Variants in PDE4D observed in about 807,000 individuals in gnomAD.
PDE4D encodes the protein 3',5'-cyclic-AMP phosphodiesterase 4D.
Under a neutral mutation model 87.4 loss-of-function variants are expected in PDE4D, and 24 were observed. The observed-to-expected ratio is 0.27, with a 90% CI of 0.20 to 0.39. PDE4D has a LOEUF of 0.39. PDE4D is among the 10% of genes least tolerant of loss of function. The pLI is 1.00. For synonymous variants in PDE4D, 384 were observed against 383.2 expected, an observed-to-expected ratio of 1.00 and a Z score of -0.02; for missense variants, 714 against 1,041.0, an observed-to-expected ratio of 0.69 and a Z score of 4.32.
chr5:59,845,083 C>G (rs1743624865), intron 1 of PDE4D, among the ~76,000 whole-genome samples: 1 of 152,038 alleles, frequency 6.6e-6, no homozygotes, highest in Non-Finnish European at 1.5e-5. Context: ...TAAATTCTGC[C>G]AACAACTTGA....
At chr5:60,095,220 G>GC in intron 2 of PDE4D, among the ~76,000 whole-genome samples, 1 of 152,014 alleles carries the variant, frequency 6.6e-6, no homozygotes, top group Middle Eastern at 3.4e-3. Flanking sequence ...CCTCTAACAG[G>GC]CCCCAGTGTG....
chr5:59,214,232 C>A (rs992635004), intron 2 of PDE4D, among the ~76,000 whole-genome samples: 1 of 152,088 alleles, frequency 6.6e-6, no homozygotes, highest in South Asian at 2.1e-4. Context: ...AATCATTCAA[C>A]AATAGAGTAA....
intron 1 of PDE4D, among the ~76,000 whole-genome samples, chr5:59,665,809 C>A (rs1177695047): frequency 2.0e-5 from 3 of 152,132 alleles, no homozygotes; most frequent in African/African-American, 7.2e-5. Flanking sequence ...AGCTCCCTTG[C>A]CCCTTCTTCC....
intron 1 of PDE4D, among the ~76,000 whole-genome samples, chr5:60,326,643 A>C (rs1247909925): frequency 6.6e-6 from 1 of 152,058 alleles, no homozygotes; most frequent in Non-Finnish European, 1.5e-5. Context: ...TAGAACTACT[A>C]TTTGTTACTG....
intron 1 of PDE4D, among the ~76,000 whole-genome samples, chr5:60,319,890 C>CCTACTGGGGGGTACCTCCCAGTTAGG (rs1562320207): frequency 1.3e-5 from 2 of 152,194 alleles, no homozygotes; most frequent in Admixed American, 6.5e-5. Flanking sequence ...TCAGTCTGCC[C>CCTACTGGGGGGTACCTCCCAGTTAGG]CTACTGGGGG....
chr5:59,932,901 T>C (rs944712817), intron 3 of PDE4D, among the ~76,000 whole-genome samples: 1 of 152,198 alleles, frequency 6.6e-6, no homozygotes, highest in Non-Finnish European at 1.5e-5. Flanking sequence ...AATTTCTACA[T>C]TCCAATTTTT....
chr5:59,567,223 C>T (rs569672187), intron 1 of PDE4D, among the ~76,000 whole-genome samples: 8 of 152,288 alleles, frequency 5.3e-5, no homozygotes, highest in Admixed American at 3.3e-4. Context: ...GAAGCCAAAT[C>T]GCTGCTTTCC....
rs565209648 is a variant in PDE4D at position 59,795,234 on chromosome 5, C to T, written c.455+97934G>A. On this transcript the variant is annotated intron_variant, in intron 1 of 14. Coordinates refer to ENST00000340635, the MANE Select transcript of PDE4D (RefSeq NM_001104631.2). ...ATAGTTAGCTCCTTCTAAGTCTAAT[C>T]GTTTTTAGTTTCTCCTGACACCTGT... is the stretch of plus-strand genomic sequence containing the variant. Among the ~76,000 whole-genome samples, 41 of 152,298 alleles carry T rather than the reference C, an allele frequency of 2.7e-4. No individual in the cohort carries two copies. The South Asian group carries it at 7.9e-3, about 29-fold the overall frequency.
intron 1 of PDE4D, among the ~76,000 whole-genome samples, chr5:60,458,577 TG>T (rs1746670878): frequency 6.6e-6 from 1 of 152,120 alleles, no homozygotes; most frequent in Non-Finnish European, 1.5e-5. Flanking sequence ...CCCTTGGGCT[TG>T]ATAGAAGAGA....
At chr5:59,080,937 C>T (rs1766621431) in intron 5 of PDE4D, among the ~76,000 whole-genome samples, 1 of 152,084 alleles carries the variant, frequency 6.6e-6, no homozygotes, top group Non-Finnish European at 1.5e-5. Flanking sequence ...TGATTATCAG[C>T]CATTGTGGAG....
intron 1 of PDE4D, among the ~76,000 whole-genome samples, chr5:59,240,515 CAT>C (rs1183903135): frequency 1.3e-5 from 2 of 152,104 alleles, no homozygotes; most frequent in African/African-American, 4.8e-5. Context: ...ATGAATGGCA[CAT>C]GTCTGTAAAA....
chr5:60,274,894 C>T (rs1030218330), intron 1 of PDE4D, among the ~76,000 whole-genome samples: 20 of 152,160 alleles, frequency 1.3e-4, no homozygotes, highest in African/African-American at 4.8e-4. Context: ...TTTTTGCTAC[C>T]AGCAGTATTA....
At chr5:59,948,925 T>C (rs962989413) in intron 3 of PDE4D, among the ~76,000 whole-genome samples, 2 of 152,252 alleles carry the variant, frequency 1.3e-5, no homozygotes, top group Non-Finnish European at 2.9e-5. Flanking sequence ...ATTTATTGAA[T>C]GCTCACTATG....
chr5:59,849,453 C>T (rs1338052703), intron 1 of PDE4D, among the ~76,000 whole-genome samples: 1 of 151,918 alleles, frequency 6.6e-6, no homozygotes, highest in Admixed American at 6.6e-5. Flanking sequence ...TAGAAATGTG[C>T]TCTGTGTTCA....
At chr5:58,977,167 C>A (rs1235404818) in intron 12 of PDE4D, 24 bp downstream of exon 12, 2 of 1,594,312 alleles carry the variant, frequency 1.3e-6, no homozygotes, top group South Asian at 1.1e-5. Context: ...CAGTTCTCTT[C>A]TTTGGCTTTT....
chr5:59,740,621 T>C (rs1580798341), intron 1 of PDE4D, among the ~76,000 whole-genome samples: 1 of 152,308 alleles, frequency 6.6e-6, no homozygotes, highest in East Asian at 1.9e-4. Flanking sequence ...AAAATAGAGA[T>C]AAACCCAATT....
At chr5:60,216,674 T>G (rs943065866) in intron 1 of PDE4D, among the ~76,000 whole-genome samples, 2 of 151,806 alleles carry the variant, frequency 1.3e-5, no homozygotes, top group Non-Finnish European at 2.9e-5. Context: ...AAACTTTAAA[T>G]CAAAAAAACT....
rs148737261 is a variant in PDE4D at position 59,405,533 on chromosome 5, G to A, written c.456-189565C>T. 8.0e-3 allele frequency among the ~76,000 whole-genome samples: 1,219 copies of A among 152,292 alleles called. 20 individuals are homozygous for A. The highest frequency in any genetic ancestry group is 0.028 in the African/African-American group (1,153 of 41,548). On this transcript the variant is annotated intron_variant, in intron 1 of 14. Coordinates refer to ENST00000340635, the MANE Select transcript of PDE4D (RefSeq NM_001104631.2). The stretch of plus-strand genomic sequence containing the variant: ...TATCATCTGCAAACAAGAATAACTT[G>A]ACTTCTTCCTTTCCAATTTGAATAT...
intron 1 of PDE4D, among the ~76,000 whole-genome samples, chr5:59,651,595 T>C (rs1343339494): frequency 6.6e-6 from 1 of 152,108 alleles, no homozygotes; most frequent in Non-Finnish European, 1.5e-5. Flanking sequence ...ATAATTATAA[T>C]TGTTGAGTGT....
Sources: gnomAD v4.1 joint callset for allele counts (sites outside exome capture counted in the v4.1 genomes callset) on GRCh38, gnomAD v4.1.1 for gene constraint, MANE v1.5 for transcripts, NCBI Gene and HGNC (gene_info 2026-07-23, HGNC 2026-07-21) for gene names.